PBX3: variants seen among roughly 807,000 people sequenced by gnomAD.
The protein encoded by PBX3 is PBX homeobox 3, also known as pre-B-cell leukemia transcription factor 3.
PBX3 carries 14 observed loss-of-function variants against 48.5 expected under a neutral mutation model. That is an observed-to-expected ratio of 0.29 (90% CI 0.19 to 0.45). PBX3 has a LOEUF of 0.45. Ranked by LOEUF, PBX3 falls within the 20% of genes least tolerant of loss-of-function variation. The pLI is 1.00. For missense variants in PBX3, 386 were observed against 546.7 expected (o/e 0.71, Z 2.93); for synonymous variants, 210 against 200.3 (o/e 1.05, Z -0.41).
intron 2 of PBX3, among the ~76,000 whole-genome samples, chr9:125,899,197 A>G (rs867783734): frequency 7.3e-5 from 10 of 136,932 alleles, no homozygotes; most frequent in Admixed American, 1.5e-4. Flanking sequence ...TAGATGATAT[A>G]TATATTTATA....
intron 2 of PBX3, among the ~76,000 whole-genome samples, chr9:125,816,242 T>C (rs1838458661): frequency 6.6e-6 from 1 of 152,078 alleles, no homozygotes. Flanking sequence ...AAGTGATCTG[T>C]GTGCCTTGGC....
At chr9:125,791,611 T>C (rs1588149549) in intron 2 of PBX3, among the ~76,000 whole-genome samples, 1 of 152,282 alleles carries the variant, frequency 6.6e-6, no homozygotes, top group East Asian at 1.9e-4. Context: ...ATGTAAGATG[T>C]GCCTGCTTCC....
At chr9:125,777,884 T>C (rs1182719142) in intron 2 of PBX3, among the ~76,000 whole-genome samples, 1 of 152,148 alleles carries the variant, frequency 6.6e-6, no homozygotes, top group Non-Finnish European at 1.5e-5. Context: ...TGTATAATTC[T>C]CTCATAATCC....
At chr9:125,946,362 G>A (rs2132561406) in intron 5 of PBX3, among the ~76,000 whole-genome samples, 1 of 152,028 alleles carries the variant, frequency 6.6e-6, no homozygotes, top group East Asian at 1.9e-4. Flanking sequence ...AGATATACAA[G>A]ACAAAATGAC....
chr9:125,763,722 T>C (rs1836730090), intron 2 of PBX3, among the ~76,000 whole-genome samples: 2 of 152,200 alleles, frequency 1.3e-5, no homozygotes, highest in South Asian at 4.1e-4. Flanking sequence ...AAGCAATGAT[T>C]AATGGCAGTG....
intron 2 of PBX3, among the ~76,000 whole-genome samples, chr9:125,775,917 T>C (rs574824287): frequency 6.6e-6 from 1 of 152,372 alleles, no homozygotes; most frequent in Admixed American, 6.5e-5. Flanking sequence ...CAATGTCTAA[T>C]AGTTTTCATT....
At chr9:125,916,398 A>T (rs747870268) in intron 3 of PBX3, among the ~76,000 whole-genome samples, 2 of 152,154 alleles carry the variant, frequency 1.3e-5, no homozygotes, top group Non-Finnish European at 2.9e-5. Flanking sequence ...AGGGAACTTC[A>T]CCAAGTAAGC....
chr9:125,823,256 A>C (rs1179162150), intron 2 of PBX3, among the ~76,000 whole-genome samples: 1 of 152,200 alleles, frequency 6.6e-6, no homozygotes, highest in Non-Finnish European at 1.5e-5. Flanking sequence ...AGTCACTGTA[A>C]TATATAAAAA....
At chr9:125,949,738 C>T (rs563630501) in intron 5 of PBX3, among the ~76,000 whole-genome samples, 26 of 152,216 alleles carry the variant, frequency 1.7e-4, no homozygotes, top group Non-Finnish European at 3.2e-4. Flanking sequence ...TAAGCGTTTC[C>T]CTTAAACAAG....
At chr9:125,852,447 A>G (rs1181148807) in intron 2 of PBX3, among the ~76,000 whole-genome samples, 1 of 152,156 alleles carries the variant, frequency 6.6e-6, no homozygotes, top group Non-Finnish European at 1.5e-5. Flanking sequence ...CTAAATTATT[A>G]CATTCTTCAT....
At chr9:125,766,327 A>C (rs1836799879) in intron 2 of PBX3, among the ~76,000 whole-genome samples, 1 of 152,150 alleles carries the variant, frequency 6.6e-6, no homozygotes, top group South Asian at 2.1e-4. Context: ...TAAGTAATTT[A>C]TATGTAAATT....
chr9:125,748,571 C>T lies in PBX3; in HGVS notation c.222C>T (p.His74=), dbSNP rs746605846. 6 of 1,613,744 alleles carry T rather than the reference C, an allele frequency of 3.7e-6. No individual in the cohort carries two copies. The African/African-American group carries it at 5.3e-5, about 14-fold the overall frequency. Residue 74 remains histidine (H), a synonymous_variant, in exon 2 of 9, where the codon CAC becomes CAT. Transcript: ENST00000373489. ...TTAGGAAACATGCCCTGAACTGTCA[C>T]AGAATGAAACCAGCGCTCTTCAGCG... The part of the protein sequence containing the change: ...AQAKKHALNC[H]RMKPALFSVL...
intron 5 of PBX3, among the ~76,000 whole-genome samples, chr9:125,944,947 G>C (rs866188782): frequency 1.1e-4 from 16 of 152,312 alleles, no homozygotes; most frequent in Middle Eastern, 3.4e-3. Context: ...TACTGGCTGG[G>C]CATGGTGGCT....
chr9:125,956,782 G>A (rs927361091), intron 5 of PBX3, among the ~76,000 whole-genome samples: 19 of 152,192 alleles, frequency 1.2e-4, no homozygotes, highest in African/African-American at 4.1e-4. Context: ...ACAGGACAGC[G>A]TAGTCCCTTT....
Position 125,865,996 on chromosome 9 carries a change from T to C in PBX3, c.275-49690T>C, listed in dbSNP as rs542901315. Among the ~76,000 whole-genome samples, 35 of 152,192 alleles carry C rather than the reference T, an allele frequency of 2.3e-4. No individual in the cohort carries two copies. In the East Asian group the frequency reaches 5.6e-3, roughly 24 times the overall value. On this transcript the variant is annotated intron_variant, in intron 2 of 8. Transcript: ENST00000373489. Reference sequence around the variant, plus strand: ...CCCCCACAAAAGAAAATAGCTTTTTTTTTTTTTGGATTATAAAAGAGTCTT... The same window carrying C: ...CCCCCACAAAAGAAAATAGCTTTTTCTTTTTTTGGATTATAAAAGAGTCTT...
In PBX3 at chr9:125,850,190, AG is replaced by A. The variant is rs1477796183; in HGVS notation, c.275-65495del. Among the ~76,000 whole-genome samples, 6 of 152,196 alleles carry A rather than the reference AG, an allele frequency of 3.9e-5. No individual in the cohort carries two copies. The East Asian group carries it at 1.2e-3, about 29-fold the overall frequency. On this transcript the variant is annotated intron_variant, in intron 2 of 8. Coordinates refer to ENST00000373489, the MANE Select transcript of PBX3 (RefSeq NM_006195.6). ...AGCGTTAAATTTTACTAACAGAAAT[AG>A]AGTGAAAATGCCTTGTTCTTTTAAT...
intron 2 of PBX3, among the ~76,000 whole-genome samples, chr9:125,895,745 C>T (rs1488461893): frequency 5.3e-5 from 8 of 151,990 alleles, no homozygotes; most frequent in Non-Finnish European, 7.4e-5. Context: ...GTTCATCATA[C>T]AGCAGTAAGA....
chr9:125,790,600 G>T (rs966807334), intron 2 of PBX3, among the ~76,000 whole-genome samples: 9 of 152,016 alleles, frequency 5.9e-5, no homozygotes, highest in Non-Finnish European at 8.8e-5. Flanking sequence ...ACAGAGTCCT[G>T]TTCTGTCACC....
intron 5 of PBX3, among the ~76,000 whole-genome samples, chr9:125,946,275 T>C (rs1355600208): frequency 2.0e-5 from 3 of 152,146 alleles, no homozygotes; most frequent in African/African-American, 2.4e-5. Context: ...AGCAGCATCC[T>C]AGGCTTCAAG....
Sources: allele counts gnomAD v4.1 joint callset (sites outside exome capture counted in the v4.1 genomes callset), GRCh38; gene constraint gnomAD v4.1.1; transcripts MANE v1.5; gene names NCBI Gene and HGNC (gene_info 2026-07-23, HGNC 2026-07-21).